Variants in CACNA1C observed in about 807,000 individuals in gnomAD.
CACNA1C encodes the protein voltage-dependent L-type calcium channel subunit alpha-1C.
Under a neutral mutation model 229.0 loss-of-function variants are expected in CACNA1C, and 30 were observed. The ratio of observed to expected loss-of-function variants is 0.13; its 90% CI spans 0.10 to 0.18. The LOEUF is 0.18. Among genes scored for constraint, CACNA1C ranks in the 10% least tolerant of loss-of-function variants. CACNA1C has a pLI of 1.00. For synonymous variants in CACNA1C, 1,114 were observed against 1,132.5 expected (o/e 0.98, Z 0.33); for missense variants, 1,658 against 2,845.0 (o/e 0.58, Z 9.49).
intron 1 of CACNA1C, among the ~76,000 whole-genome samples, chr12:2,084,509 C>T (rs1419977631): frequency 1.3e-5 from 2 of 152,200 alleles, no homozygotes; most frequent in Non-Finnish European, 2.9e-5. Flanking sequence ...CTTGTCCCCA[C>T]TTTCTTTACC....
chr12:2,633,040 CCTT>C lies in CACNA1C; in HGVS notation c.3829-1253_3829-1251del, dbSNP rs1205630423. Among the ~76,000 whole-genome samples, 1 of 152,118 alleles carries C rather than the reference CCTT, an allele frequency of 6.6e-6. No individual in the cohort carries two copies. The highest frequency in any genetic ancestry group is 1.5e-5 in the Non-Finnish European group (1 of 68,024). ...ATGGATCTTGTTTTAACAATTTGGT[CCTT>C]CTTTTATTTTTGAGCTTTATATGAG... is the stretch of plus-strand genomic sequence containing the variant. On this transcript the variant is annotated intron_variant, in intron 29 of 46. Coordinates refer to ENST00000399655, the MANE Select transcript of CACNA1C (RefSeq NM_000719.7). This position sits in a 1 kb window ranked among gnomAD's most constrained non-coding sequence, Gnocchi z 5.8.
chr12:2,644,102 C>A (rs1223247058), intron 30 of CACNA1C, among the ~76,000 whole-genome samples: 1 of 152,194 alleles, frequency 6.6e-6, no homozygotes, highest in Non-Finnish European at 1.5e-5. Context: ...GGTTCTGTAG[C>A]AGGACCACTA....
chr12:2,121,215 G>T (rs1354629783), intron 3 of CACNA1C, among the ~76,000 whole-genome samples: 2 of 152,168 alleles, frequency 1.3e-5, no homozygotes, highest in Non-Finnish European at 2.9e-5. Flanking sequence ...CTCTCCACGT[G>T]ATTTCCACAT....
At chr12:2,174,003 A>T (rs909903260) in intron 3 of CACNA1C, among the ~76,000 whole-genome samples, 2 of 152,112 alleles carry the variant, frequency 1.3e-5, no homozygotes, top group African/African-American at 4.8e-5. Flanking sequence ...TCAGCAGCAG[A>T]CATCAAAGGG....
At chr12:2,417,588 C>T (rs932162816) in intron 3 of CACNA1C, among the ~76,000 whole-genome samples, 10 of 152,292 alleles carry the variant, frequency 6.6e-5, no homozygotes, top group Non-Finnish European at 1.3e-4. Context: ...TGGCATGTGA[C>T]TGGCTGCAAG....
rs1011518676 is a variant in CACNA1C at position 2,181,089 on chromosome 12, C to T, written c.477+60659C>T. Among the ~76,000 whole-genome samples, 1 of 152,124 alleles carries T rather than the reference C, an allele frequency of 6.6e-6. No homozygotes were observed. Among genetic ancestry groups the T allele is most frequent in the African/African-American group, 2.4e-5 (1 of 41,418 alleles). On this transcript the variant is annotated intron_variant, in intron 3 of 46. Coordinates refer to ENST00000399655, the MANE Select transcript of CACNA1C (RefSeq NM_000719.7). This position sits in a 1 kb window ranked among gnomAD's most constrained non-coding sequence, Gnocchi z 4.0. ...ACATATCAGACTCAAATGTTTTCTT[C>T]TGGGGGGTTACAGTCTGGGGAAGAC...
intron 1 of CACNA1C, among the ~76,000 whole-genome samples, chr12:2,023,670 T>C (rs761785807): frequency 4.6e-5 from 7 of 152,226 alleles, no homozygotes; most frequent in Non-Finnish European, 8.8e-5. Context: ...GGAGAGGTAC[T>C]TACTGTGCTT....
At chr12:2,004,375 C>A in intron 1 of CACNA1C, 1 of 1,612,954 alleles carries the variant, frequency 6.2e-7, no homozygotes, top group Non-Finnish European at 8.5e-7. Context: ...GCTGCAGGGC[C>A]GCTAGGCTGA....
At chr12:2,117,900 G>A (rs1017582631) in intron 2 of CACNA1C, among the ~76,000 whole-genome samples, 19 of 152,202 alleles carry the variant, frequency 1.2e-4, no homozygotes, top group Non-Finnish European at 2.1e-4. Flanking sequence ...GGCTGGACAG[G>A]GAAGGAGATA....
At chr12:2,364,935 C>A (rs1417436202) in intron 3 of CACNA1C, among the ~76,000 whole-genome samples, 2 of 152,194 alleles carry the variant, frequency 1.3e-5, no homozygotes, top group Non-Finnish European at 2.9e-5. Context: ...CCACATGGGC[C>A]TCTGCGGTGA....
intron 3 of CACNA1C, among the ~76,000 whole-genome samples, chr12:2,334,849 T>G (rs760345792): frequency 6.6e-6 from 1 of 152,166 alleles, no homozygotes; most frequent in Non-Finnish European, 1.5e-5. Context: ...CCTCCTAAAT[T>G]AGATAGAAAT....
intron 3 of CACNA1C, among the ~76,000 whole-genome samples, chr12:2,221,216 G>A (rs927912888): frequency 6.6e-6 from 1 of 152,210 alleles, no homozygotes; most frequent in African/African-American, 2.4e-5. Context: ...TGGTCAAAGG[G>A]TTGGCGGTGT....
At chr12:2,373,784 A>G (rs1307589365) in intron 3 of CACNA1C, among the ~76,000 whole-genome samples, 3 of 152,246 alleles carry the variant, frequency 2.0e-5, no homozygotes, top group Non-Finnish European at 4.4e-5. Flanking sequence ...TGGCGATTAA[A>G]AAAAGATATT....
At chr12:2,060,194 G>T (rs993676098) in intron 1 of CACNA1C, among the ~76,000 whole-genome samples, 3 of 152,126 alleles carry the variant, frequency 2.0e-5, no homozygotes, top group Non-Finnish European at 4.4e-5. Context: ...GCCCCTTTGC[G>T]AGAGTGGGAT....
intron 3 of CACNA1C, among the ~76,000 whole-genome samples, chr12:2,230,342 G>C (rs1218535052): frequency 6.6e-6 from 1 of 152,196 alleles, no homozygotes. Flanking sequence ...CTCTCGCCTT[G>C]GTGGCGCGCA....
rs215976 is a variant in CACNA1C, at chr12:2,585,472, C to T, written c.2436C>T (p.Asp812=). Residue 812 remains aspartate, a synonymous_variant, in exon 17 of 47, where the codon GAC becomes GAT. Transcript: ENST00000399655. The surrounding 1 kb of genome is among the most constrained non-coding windows in gnomAD (Gnocchi z 4.1). ...TTGAGCTGAAATCCATCACGGCTGA[C>T]GGAGAGTCTCCACCCGCCACCAAGG... ...EKIELKSITA[D]GESPPATKIN... 0.092 allele frequency: 143,930 copies of T among 1,569,588 alleles called. 8,146 individuals are homozygous for T. Among genetic ancestry groups the T allele is most frequent in the East Asian group, 0.31 (13,285 of 42,834 alleles).
chr12:2,584,728 C>G, intron 16 of CACNA1C, 111 bp downstream of exon 16: 1 of 713,964 alleles, frequency 1.4e-6, no homozygotes, highest in South Asian at 1.9e-5. Flanking sequence ...GCTCTCCCTC[C>G]TAGGAGGACT....
At chr12:2,540,355 CG>C (rs1482853700) in intron 9 of CACNA1C, among the ~76,000 whole-genome samples, 16 of 152,020 alleles carry the variant, frequency 1.1e-4, no homozygotes, top group Admixed American at 1.0e-3. Context: ...TCACCGACTC[CG>C]GAGTCACAGG....
chr12:2,090,310 CTTTTTT>C (rs145675982), intron 1 of CACNA1C, among the ~76,000 whole-genome samples: 2 of 69,188 alleles, frequency 2.9e-5, no homozygotes, highest in Non-Finnish European at 5.1e-5. Flanking sequence ...GGATAGACTA[CTTTTTT>C]TTTTTTTTTT....
Sources: gnomAD v4.1 joint callset for allele counts (sites outside exome capture counted in the v4.1 genomes callset) on GRCh38, gnomAD v4.1.1 for gene constraint, Gnocchi (gnomAD v3.1) non-coding constraint, MANE v1.5 for transcripts, NCBI Gene and HGNC (gene_info 2026-07-23, HGNC 2026-07-21) for gene names.